The following METTL8 variants were observed in gnomAD, a reference collection of about 807,000 sequenced individuals.
The protein encoded by METTL8 is tRNA N(3)-cytidine methyltransferase METTL8, mitochondrial.
Under a neutral mutation model 48.7 loss-of-function variants are expected in METTL8, and 32 were observed. The ratio of observed to expected loss-of-function variants is 0.66; its 90% confidence interval spans 0.50 to 0.88. The LOEUF is 0.88. Ranked by LOEUF, METTL8 falls within the 40% of genes least tolerant of loss-of-function variation. The pLI is 0.00. For missense variants in METTL8, 464 were observed against 474.4 expected, an observed-to-expected ratio of 0.98 and a Z score of 0.20; for synonymous variants, 136 against 157.1, an observed-to-expected ratio of 0.87 and a Z score of 1.01.
intron 1 of METTL8, among the ~76,000 whole-genome samples, chr2:171,414,070 AGACT>A (rs1200224050): frequency 1.3e-5 from 2 of 152,224 alleles, no homozygotes; most frequent in African/African-American, 2.4e-5. Context: ...AATTTTTAGA[AGACT>A]GACTAAATTA....
chr2:171,406,963 G>A (rs961230526), intron 1 of METTL8, among the ~76,000 whole-genome samples: 1 of 152,008 alleles, frequency 6.6e-6, no homozygotes, highest in Non-Finnish European at 1.5e-5. Context: ...AACTGATAGG[G>A]CAGTTATTGA....
chr2:171,411,693 G>A lies in METTL8; in HGVS notation c.-12-19496C>T, dbSNP rs140352433. Among the ~76,000 whole-genome samples the A allele has an allele frequency of 1.5e-3, 230 of 152,210 alleles. 2 individuals carry two copies. In the Middle Eastern group the frequency reaches 0.027, roughly 18 times the overall value. On this transcript the variant is annotated intron_variant, in intron 1 of 9. Coordinates refer to ENST00000375258, the MANE Select transcript of METTL8 (RefSeq NM_001321154.2). The stretch of plus-strand genomic sequence containing the variant: ...TTCCAGATGAGTTAAACTTTTAAAT[G>A]TGAAAAATTAAATCTTTATTAGTCT...
chr2:171,351,285 T>C (rs1683884374), intron 3 of METTL8, among the ~76,000 whole-genome samples: 1 of 152,188 alleles, frequency 6.6e-6, no homozygotes, highest in African/African-American at 2.4e-5. Flanking sequence ...ATGTGTGGTA[T>C]TATTTCTGAG....
intron 2 of METTL8, among the ~76,000 whole-genome samples, chr2:171,372,647 C>A (rs979105755): frequency 6.6e-6 from 1 of 152,032 alleles, no homozygotes; most frequent in Non-Finnish European, 1.5e-5. Flanking sequence ...CCACACCCCA[C>A]AACAGGCCCC....
intron 1 of METTL8, among the ~76,000 whole-genome samples, chr2:171,428,148 T>G (rs1334850035): frequency 6.6e-6 from 1 of 152,232 alleles, no homozygotes; most frequent in African/African-American, 2.4e-5. Flanking sequence ...GAACTAATAT[T>G]TGTTCTATGC....
chr2:171,352,250 T>C (rs1024761306), intron 3 of METTL8, among the ~76,000 whole-genome samples: 1 of 152,232 alleles, frequency 6.6e-6, no homozygotes, highest in Middle Eastern at 3.2e-3. Flanking sequence ...TCTGTTAATA[T>C]GTTGGATTAC....
Position 171,321,987 on chromosome 2 carries a change from A to G in METTL8, c.*2185T>C, listed in dbSNP as rs1233589877. The G allele has an allele frequency of 6.8e-6, 1 of 146,708 alleles. No individual in the cohort carries two copies. The highest frequency in any genetic ancestry group is 1.5e-5 in the Non-Finnish European group (1 of 67,020). The allele number at this position is 146,708 out of a possible 1,614,324, so 9.1% of individuals were successfully genotyped here. A position where few individuals can be genotyped will look rare whatever the true frequency, so the allele number is the denominator to read the frequency against. On this transcript the variant is annotated 3_prime_UTR_variant, in exon 10 of 10. Coordinates refer to ENST00000375258, the MANE Select transcript of METTL8 (RefSeq NM_001321154.2). Reference sequence around the variant, plus strand: ...ATTTTTTTTTTTTTTTTTGATACGCAGTCTAACAACTGTCACCCAGGCTGG... The same window carrying G: ...ATTTTTTTTTTTTTTTTTGATACGCGGTCTAACAACTGTCACCCAGGCTGG...
At chr2:171,356,854 T>C (rs1414770788) in intron 3 of METTL8, among the ~76,000 whole-genome samples, 1 of 151,210 alleles carries the variant, frequency 6.6e-6, no homozygotes, top group African/African-American at 2.4e-5. Context: ...TTTTACATAA[T>C]ACTGGAAGTC....
intron 3 of METTL8, among the ~76,000 whole-genome samples, chr2:171,347,034 C>A (rs1278230242): frequency 1.3e-5 from 2 of 152,204 alleles, no homozygotes; most frequent in African/African-American, 4.8e-5. Context: ...AAGATGGTCA[C>A]CCCCATAATG....
At chr2:171,406,656 T>C (rs1690207059) in intron 1 of METTL8, among the ~76,000 whole-genome samples, 1 of 152,152 alleles carries the variant, frequency 6.6e-6, no homozygotes, top group Non-Finnish European at 1.5e-5. Context: ...CATCTCTAAA[T>C]AAAGTCACAT....
rs115186437 is a variant in METTL8, at chr2:171,331,810, G to A, written c.714C>T (p.Leu238=). The part of the protein sequence containing the change: ...CCDFASGAVE[L]VKSHSSYRAT... ...ATTCCCAGGAGTAGCATACCTTTACGAGCTCCACAGCTCCAGAAGCAAAAT... is the reference window on the plus strand; with the variant it reads ...ATTCCCAGGAGTAGCATACCTTTACAAGCTCCACAGCTCCAGAAGCAAAAT... The change falls in exon 6 of 10, where the codon CTC becomes CTT. Residue 238 remains leucine, a synonymous_variant. Coordinates refer to ENST00000375258, the MANE Select transcript of METTL8 (RefSeq NM_001321154.2). The A allele has an allele frequency of 2.8e-3, 4,540 of 1,603,412 alleles. 118 individuals are homozygous for A. In the African/African-American group the frequency reaches 0.052, roughly 18 times the overall value.
intron 1 of METTL8, among the ~76,000 whole-genome samples, chr2:171,392,416 T>C (rs1000225739): frequency 6.6e-6 from 1 of 152,226 alleles, no homozygotes; most frequent in Non-Finnish European, 1.5e-5. Context: ...GCTGGCATTT[T>C]TTTGAAGCCA....
chr2:171,406,754 G>A lies in METTL8; in HGVS notation c.-12-14557C>T, dbSNP rs559668435. 1.1e-4 allele frequency among the ~76,000 whole-genome samples: 17 copies of A among 152,218 alleles called. No homozygotes were observed. In the South Asian group the frequency reaches 3.5e-3, roughly 32 times the overall value. On this transcript the variant is annotated intron_variant, in intron 1 of 9. Coordinates refer to ENST00000375258, the MANE Select transcript of METTL8 (RefSeq NM_001321154.2). ...CCTTGGAGCCATGAGTGGGCCTAAC[G>A]TTAGGTATGCATGGTACAAATATAG...
At chr2:171,386,086 A>G (rs1248651573) in intron 2 of METTL8, among the ~76,000 whole-genome samples, 1 of 152,248 alleles carries the variant, frequency 6.6e-6, no homozygotes, top group African/African-American at 2.4e-5. Flanking sequence ...GCTGGACCAG[A>G]TGATCCTTGC....
At chr2:171,396,653 C>G (rs984458612) in intron 1 of METTL8, among the ~76,000 whole-genome samples, 4 of 152,050 alleles carry the variant, frequency 2.6e-5, no homozygotes, top group Admixed American at 6.6e-5. Flanking sequence ...AATTAAGCAA[C>G]ACAGCTATAA....
chr2:171,340,865 A>T (rs1686677059), intron 3 of METTL8, among the ~76,000 whole-genome samples: 2 of 152,162 alleles, frequency 1.3e-5, no homozygotes, highest in Admixed American at 1.3e-4. Context: ...CCAACCTCCA[A>T]GGCATCTCTT....
intron 7 of METTL8, among the ~76,000 whole-genome samples, chr2:171,330,082 A>C (rs1685358855): frequency 6.6e-6 from 1 of 152,212 alleles, no homozygotes; most frequent in African/African-American, 2.4e-5. Context: ...GGCAAATCTT[A>C]ATAACTCCTG....
At chr2:171,420,748 T>A (rs925304602) in intron 1 of METTL8, among the ~76,000 whole-genome samples, 19 of 152,210 alleles carry the variant, frequency 1.2e-4, no homozygotes, top group Non-Finnish European at 2.5e-4. Flanking sequence ...ATAGAAAGTA[T>A]ATCAATGTAA....
rs956828904 is a variant in METTL8 at position 171,316,584 on chromosome 2, G to T, written c.*7588C>A. ...TGCAAATGAAGAGACATCTCAGAGA[G>T]TGGTGGATTAAGAATATATTCATGG... On this transcript the variant is annotated 3_prime_UTR_variant, in exon 10 of 10. Transcript: ENST00000375258. 6.6e-6 allele frequency among the ~76,000 whole-genome samples: 1 copy of T among 152,214 alleles called. No individual in the cohort carries two copies. Among genetic ancestry groups the T allele is most frequent in the African/African-American group, 2.4e-5 (1 of 41,448 alleles).
Sources: allele counts gnomAD v4.1 joint callset (sites outside exome capture counted in the v4.1 genomes callset), GRCh38; gene constraint gnomAD v4.1.1; transcripts MANE v1.5; gene names NCBI Gene and HGNC (gene_info 2026-07-23, HGNC 2026-07-21).